Variants in CXADR observed in about 807,000 individuals in gnomAD.
The protein encoded by CXADR is CXADR cell adhesion molecule.
Under a neutral mutation model 40.3 loss-of-function variants are expected in CXADR, and 20 were observed. The observed-to-expected ratio is 0.50, with a 90% CI of 0.35 to 0.72. The LOEUF (loss-of-function observed/expected upper bound fraction) is 0.72, where lower values mean the gene tolerates loss of function less well. Ranked by LOEUF, CXADR falls within the 30% of genes least tolerant of loss-of-function variation. The pLI, the probability that CXADR is intolerant of heterozygous loss-of-function variation, is 0.01. For synonymous variants in CXADR, 150 were observed against 161.3 expected, an observed-to-expected ratio of 0.93 and a Z score of 0.53; for missense variants, 332 against 449.1, an observed-to-expected ratio of 0.74 and a Z score of 2.36.
At chr21:17,513,643 A>G (rs993757891) in intron 1 of CXADR, among the ~76,000 whole-genome samples, 2 of 152,174 alleles carry the variant, frequency 1.3e-5, no homozygotes, top group African/African-American at 4.8e-5. Context: ...CCATTATTCA[A>G]TGGACATGGA....
the CXADR span, chr21:17,612,727 G>T: frequency 6.5e-6 from 1 of 153,192 alleles, no homozygotes; most frequent in East Asian, 1.9e-4. Context: ...TCTTCGGCCG[G>T]AGATTCGGCG....
Position 17,545,999 on chromosome 21 carries a change from G to A in CXADR, c.44-1028G>A, listed in dbSNP as rs953249429. Among the ~76,000 whole-genome samples the A allele has an allele frequency of 3.3e-5, 5 of 152,130 alleles. 1 individual carries two copies. The highest frequency in any genetic ancestry group is 4.2e-4 in the South Asian group (2 of 4,812). On this transcript the variant is annotated intron_variant, in intron 1 of 6. Coordinates refer to ENST00000284878, the MANE Select transcript of CXADR (RefSeq NM_001338.5). ...TCACCATGTTGGTCAGGCTGGTCTC[G>A]AACTCCTGACTTCAGATGATTCACC... is the stretch of plus-strand genomic sequence containing the variant.
At chr21:17,514,824 A>G (rs1009529169) in intron 1 of CXADR, among the ~76,000 whole-genome samples, 2 of 151,758 alleles carry the variant, frequency 1.3e-5, no homozygotes, top group East Asian at 1.9e-4. Context: ...AGTAGAAACC[A>G]TGTTGGTCAG....
intron 1 of CXADR, among the ~76,000 whole-genome samples, chr21:17,519,595 A>T (rs1457675383): frequency 2.0e-5 from 3 of 151,938 alleles, no homozygotes; most frequent in Non-Finnish European, 4.4e-5. Context: ...GTTCTTTCCC[A>T]CCCTGTTGAC....
chr21:17,604,381 G>A, the CXADR span: 1 of 197,000 alleles, frequency 5.1e-6, no homozygotes, highest in African/African-American at 2.4e-5. Flanking sequence ...GCAGGCAGAG[G>A]TTGCAGACAG....
In CXADR at chr21:17,568,501, T is replaced by G; in HGVS notation, c.*2809T>G. The G allele has an allele frequency of 1.1e-6, 1 of 894,186 alleles. No homozygotes were observed. The highest frequency in any genetic ancestry group is 1.3e-6 in the Non-Finnish European group (1 of 791,918). 55.4% of individuals were successfully genotyped at this position (894,186 alleles called of 1,614,324 possible). On this transcript the variant is annotated 3_prime_UTR_variant, in exon 7 of 7. Coordinates refer to ENST00000284878, the MANE Select transcript of CXADR (RefSeq NM_001338.5). ...AGAGACTTGATACCATCCATCTCTT[T>G]AGGTTACAGAGGATAATTTGAAGAG... is the stretch of plus-strand genomic sequence containing the variant.
intron 1 of CXADR, among the ~76,000 whole-genome samples, chr21:17,531,312 GAA>G (rs2123168196): frequency 6.7e-6 from 1 of 149,402 alleles, no homozygotes; most frequent in African/African-American, 2.5e-5. Flanking sequence ...AAAAAAAAAA[GAA>G]AAGAAAAAAG....
At chr21:17,592,007 T>C (rs955364293) in intron 7 of CXADR, among the ~76,000 whole-genome samples, 17 of 151,916 alleles carry the variant, frequency 1.1e-4, no homozygotes, top group African/African-American at 4.1e-4. Context: ...GGAGGATGGG[T>C]AGTCGAAACA....
the CXADR span, among the ~76,000 whole-genome samples, chr21:17,627,278 C>A: frequency 6.6e-6 from 1 of 152,102 alleles, no homozygotes; most frequent in Non-Finnish European, 1.5e-5. Flanking sequence ...ATCACTTGAA[C>A]CTAGGAGGCG....
chr21:17,563,940 CAAA>C lies in CXADR; in HGVS notation c.834-1469_834-1467del, dbSNP rs35020228. 5.1e-4 allele frequency among the ~76,000 whole-genome samples: 19 copies of C among 37,198 alleles called. 1 individual carries two copies. The highest frequency in any genetic ancestry group is 1.4e-3 in the Admixed American group (3 of 2,080). The allele number at this position is 37,198 out of a possible 152,430, so 24.4% of individuals were successfully genotyped here. A position where few individuals can be genotyped will look rare whatever the true frequency, so the allele number is the denominator to read the frequency against. Reference sequence around the variant, plus strand: ...TGGGCAACAGAGCAAGACTCTGTCTCAAAAAAAAAAAAAAAAAAAAAGGTATTG... The same window carrying C: ...TGGGCAACAGAGCAAGACTCTGTCTCAAAAAAAAAAAAAAAAAAGGTATTG... On this transcript the variant is annotated intron_variant, in intron 6 of 6. Coordinates refer to ENST00000284878, the MANE Select transcript of CXADR (RefSeq NM_001338.5).
At chr21:17,616,156 C>T in the CXADR span, among the ~76,000 whole-genome samples, 1 of 151,006 alleles carries the variant, frequency 6.6e-6, no homozygotes, top group Non-Finnish European at 1.5e-5. Flanking sequence ...GAGGCTGAGG[C>T]AGGAGAATGG....
At chr21:17,556,448 A>C (rs762631916) in intron 3 of CXADR, among the ~76,000 whole-genome samples, 2 of 149,792 alleles carry the variant, frequency 1.3e-5, no homozygotes, top group Non-Finnish European at 3.0e-5. Flanking sequence ...AGATATGTTT[A>C]GATTGCTGGT....
intron 7 of CXADR, among the ~76,000 whole-genome samples, chr21:17,592,182 TC>T (rs757788513): frequency 6.6e-6 from 1 of 151,898 alleles, no homozygotes; most frequent in African/African-American, 2.4e-5. Context: ...AAATAACACT[TC>T]CTTCTTTACA....
At chr21:17,524,875 C>G (rs923505646) in intron 1 of CXADR, among the ~76,000 whole-genome samples, 3 of 152,132 alleles carry the variant, frequency 2.0e-5, no homozygotes, top group Admixed American at 6.5e-5. Flanking sequence ...CACCACCGCA[C>G]TCCAGCCTGG....
intron 6 of CXADR, among the ~76,000 whole-genome samples, chr21:17,563,232 A>G (rs2061148258): frequency 6.6e-6 from 1 of 152,138 alleles, no homozygotes; most frequent in South Asian, 2.1e-4. Flanking sequence ...GCTTGCAGTG[A>G]GCTAGGATCG....
chr21:17,532,222 A>AG, intron 1 of CXADR, among the ~76,000 whole-genome samples: 1 of 152,112 alleles, frequency 6.6e-6, no homozygotes. Flanking sequence ...TGTGGTGAAC[A>AG]GGTCCTTATT....
intron 2 of CXADR, among the ~76,000 whole-genome samples, chr21:17,548,071 T>C (rs185347262): frequency 4.9e-4 from 74 of 152,280 alleles, no homozygotes; most frequent in African/African-American, 1.7e-3. Flanking sequence ...TTTAAAAAGT[T>C]AATAAATTAT....
intron 1 of CXADR, among the ~76,000 whole-genome samples, chr21:17,544,163 A>G (rs1044399467): frequency 3.9e-5 from 6 of 152,244 alleles, no homozygotes; most frequent in African/African-American, 1.2e-4. Context: ...TCATAGAGAA[A>G]GAAAAATCAT....
chr21:17,556,100 T>TGTGTGTGTGTGTG (rs2061031250), intron 3 of CXADR, among the ~76,000 whole-genome samples: 1 of 152,202 alleles, frequency 6.6e-6, no homozygotes. Context: ...GTTGTTTGTG[T>TGTGTGTGTGTGTG]TAGTGATCAT....
Sources: gnomAD v4.1 joint callset for allele counts (sites outside exome capture counted in the v4.1 genomes callset) on GRCh38, gnomAD v4.1.1 for gene constraint, MANE v1.5 for transcripts, NCBI Gene and HGNC (gene_info 2026-07-23, HGNC 2026-07-21) for gene names.